Variants in SH3BGRL2 observed in about 807,000 individuals in gnomAD.
The protein encoded by SH3BGRL2 is SH3 domain-binding glutamic acid-rich-like protein 2.
In SH3BGRL2, 21 loss-of-function variants were observed where a neutral mutation model predicts 14.8. The observed-to-expected ratio is 1.42, with a 90% CI of 1.01 to 2.05. The LOEUF is 2.05. Ranked by LOEUF, SH3BGRL2 falls within the 30% of genes most tolerant of loss-of-function variation. The pLI, the probability that SH3BGRL2 is intolerant of heterozygous loss-of-function variation, is 0.00. For missense variants in SH3BGRL2, 147 were observed against 130.8 expected, an observed-to-expected ratio of 1.12 and a Z score of -0.61; for synonymous variants, 50 against 47.8, an observed-to-expected ratio of 1.05 and a Z score of -0.19.
At chr6:79,573,425 G>A in the SH3BGRL2 span, among the ~76,000 whole-genome samples, 1 of 152,070 alleles carries the variant, frequency 6.6e-6, no homozygotes, top group South Asian at 2.1e-4. Flanking sequence ...ATATCAGGAT[G>A]AGGTCCCACT....
At chr6:79,633,704 C>G (rs1373226143) in intron 1 of SH3BGRL2, among the ~76,000 whole-genome samples, 1 of 152,162 alleles carries the variant, frequency 6.6e-6, no homozygotes, top group Non-Finnish European at 1.5e-5. Context: ...TCAATTATAT[C>G]TTATATCAAT....
At chr6:79,549,728 TCTC>T in the SH3BGRL2 span, among the ~76,000 whole-genome samples, 1 of 152,180 alleles carries the variant, frequency 6.6e-6, no homozygotes, top group African/African-American at 2.4e-5. Context: ...AGTATCCTAA[TCTC>T]CTCATCTTTT....
intron 1 of SH3BGRL2, among the ~76,000 whole-genome samples, chr6:79,650,318 G>T (rs1308611621): frequency 1.3e-5 from 2 of 152,142 alleles, no homozygotes; most frequent in Non-Finnish European, 2.9e-5. Flanking sequence ...AGACAGGGAA[G>T]CTAACATTAC....
chr6:79,601,928 A>AC, the SH3BGRL2 span, among the ~76,000 whole-genome samples: 122 of 146,492 alleles, frequency 8.3e-4, no homozygotes, highest in African/African-American at 2.3e-3. Context: ...CAAGCTCCCC[A>AC]CCCCCCACAA....
chr6:79,616,758 C>T, the SH3BGRL2 span, among the ~76,000 whole-genome samples: 1 of 152,182 alleles, frequency 6.6e-6, no homozygotes, highest in South Asian at 2.1e-4. Context: ...GACAAGATGA[C>T]CTCCATGGTC....
At chr6:79,651,972 T>C (rs1427796352) in intron 1 of SH3BGRL2, among the ~76,000 whole-genome samples, 3 of 152,172 alleles carry the variant, frequency 2.0e-5, no homozygotes, top group African/African-American at 7.2e-5. Context: ...CTTCTACTTA[T>C]AGGTGCCAGT....
At chr6:79,684,014 G>A (rs1331926285) in intron 2 of SH3BGRL2, among the ~76,000 whole-genome samples, 5 of 152,124 alleles carry the variant, frequency 3.3e-5, no homozygotes, top group African/African-American at 9.7e-5. Flanking sequence ...AGTCAGTGAG[G>A]AAAACAAACA....
intron 2 of SH3BGRL2, among the ~76,000 whole-genome samples, chr6:79,682,070 A>T (rs1769998988): frequency 6.6e-6 from 1 of 152,160 alleles, no homozygotes; most frequent in Non-Finnish European, 1.5e-5. Context: ...ATGGTCTTCA[A>T]CTACGGTCTG....
the SH3BGRL2 span, among the ~76,000 whole-genome samples, chr6:79,592,793 G>A: frequency 6.6e-6 from 1 of 152,160 alleles, no homozygotes; most frequent in Non-Finnish European, 1.5e-5. Flanking sequence ...CGTGTATGAG[G>A]TAGGTCCTAT....
intron 3 of SH3BGRL2, among the ~76,000 whole-genome samples, chr6:79,699,203 C>T (rs529308466): frequency 1.3e-5 from 2 of 152,160 alleles, no homozygotes; most frequent in Non-Finnish European, 1.5e-5. Flanking sequence ...GGTAACCCCC[C>T]ACCCAGCCAT....
the SH3BGRL2 span, among the ~76,000 whole-genome samples, chr6:79,551,339 G>T: frequency 6.6e-6 from 1 of 152,208 alleles, no homozygotes; most frequent in African/African-American, 2.4e-5. Context: ...TGACTTTGCA[G>T]TGGGCTGTCT....
chr6:79,611,699 A>G, the SH3BGRL2 span, among the ~76,000 whole-genome samples: 2 of 152,274 alleles, frequency 1.3e-5, no homozygotes, highest in Non-Finnish European at 2.9e-5. Flanking sequence ...GGCGTGAGCC[A>G]CCACGCCTGG....
chr6:79,697,486 C>T (rs1429508526), intron 3 of SH3BGRL2, among the ~76,000 whole-genome samples: 1 of 151,960 alleles, frequency 6.6e-6, no homozygotes, highest in African/African-American at 2.4e-5. Context: ...TTGAGGCTAC[C>T]CAGGATTTGT....
chr6:79,696,541 C>T lies in SH3BGRL2; in HGVS notation c.288C>T (p.Gly96=). Residue 96 remains glycine, a synonymous_variant, in exon 3 of 4, where the codon GGC becomes GGT. Transcript: ENST00000369838. ...GCAACACAGTCTTTTCATTTTTAGG[C>T]CTGAAACCACGGTTGGCATCAAAGG... The part of the protein sequence containing the change: ...KESNTVFSFL[G]LKPRLASKAE... 6.4e-7 allele frequency: 1 copy of T among 1,570,704 alleles called. No homozygotes were observed. Among genetic ancestry groups the T allele is most frequent in the Non-Finnish European group, 8.6e-7 (1 of 1,167,242 alleles).
At chr6:79,680,007 A>G (rs1337840065) in intron 2 of SH3BGRL2, among the ~76,000 whole-genome samples, 2 of 152,164 alleles carry the variant, frequency 1.3e-5, no homozygotes, top group African/African-American at 4.8e-5. Context: ...CTGATTGGCA[A>G]ATATTTTCCT....
At chr6:79,645,715 A>G (rs1324791790) in intron 1 of SH3BGRL2, among the ~76,000 whole-genome samples, 1 of 152,210 alleles carries the variant, frequency 6.6e-6, no homozygotes, top group Non-Finnish European at 1.5e-5. Flanking sequence ...TGTTAAAGGA[A>G]GGAAATAATA....
chr6:79,579,234 T>C, the SH3BGRL2 span, among the ~76,000 whole-genome samples: 1 of 152,196 alleles, frequency 6.6e-6, no homozygotes, highest in Non-Finnish European at 1.5e-5. Flanking sequence ...TGCAGGATAT[T>C]ATCCAGGAGA....
chr6:79,662,281 T>C (rs944081040), intron 1 of SH3BGRL2, among the ~76,000 whole-genome samples: 1 of 152,314 alleles, frequency 6.6e-6, no homozygotes, highest in East Asian at 1.9e-4. Context: ...TAGTGGCTGG[T>C]ACCAGTTGTT....
chr6:79,615,251 A>C, the SH3BGRL2 span, among the ~76,000 whole-genome samples: 1 of 152,214 alleles, frequency 6.6e-6, no homozygotes, highest in Non-Finnish European at 1.5e-5. Context: ...AGGGCTCAAA[A>C]GGAGATTCTG....
Sources: allele counts gnomAD v4.1 joint callset (sites outside exome capture counted in the v4.1 genomes callset), GRCh38; gene constraint gnomAD v4.1.1; transcripts MANE v1.5; gene names NCBI Gene and HGNC (gene_info 2026-07-23, HGNC 2026-07-21).